TYW1: variants seen among roughly 807,000 people sequenced by gnomAD.
TYW1 encodes the protein S-adenosyl-L-methionine-dependent tRNA 4-demethylwyosine synthase TYW1.
A neutral mutation model predicts 96.2 loss-of-function variants in TYW1; 46 were observed. The ratio of observed to expected loss-of-function variants is 0.48; its 90% confidence interval spans 0.38 to 0.61. TYW1 has a LOEUF of 0.61. Among genes scored for constraint, TYW1 ranks in the 20% least tolerant of loss-of-function variants. The pLI is 0.00. For missense variants in TYW1, 684 were observed against 909.6 expected (o/e 0.75, Z 3.19); for synonymous variants, 274 against 323.0 (o/e 0.85, Z 1.63).
At chr7:67,128,990 A>G (rs1395908689) in intron 13 of TYW1, among the ~76,000 whole-genome samples, 1 of 152,100 alleles carries the variant, frequency 6.6e-6, no homozygotes, top group Non-Finnish European at 1.5e-5. Flanking sequence ...CGCCCAGTCT[A>G]GGTCTCAGTC....
intron 7 of TYW1, among the ~76,000 whole-genome samples, chr7:67,032,567 G>T (rs1276296852): frequency 6.6e-6 from 1 of 152,168 alleles, no homozygotes; most frequent in Non-Finnish European, 1.5e-5. Flanking sequence ...GTTGCAGTGA[G>T]CTGAGATCGT....
chr7:67,088,569 A>G (rs1796617022), intron 11 of TYW1, among the ~76,000 whole-genome samples: 1 of 152,140 alleles, frequency 6.6e-6, no homozygotes. Flanking sequence ...TTTCAACTGA[A>G]AAAGACCGTA....
intron 3 of TYW1, among the ~76,000 whole-genome samples, chr7:67,003,718 A>AT (rs1177906195): frequency 1.3e-5 from 2 of 152,192 alleles, no homozygotes; most frequent in Non-Finnish European, 2.9e-5. Context: ...GCAAGGTTGT[A>AT]TTTTTTGTAG....
chr7:67,235,552 A>G (rs1801856738), intron 15 of TYW1, among the ~76,000 whole-genome samples: 1 of 152,120 alleles, frequency 6.6e-6, no homozygotes, highest in Non-Finnish European at 1.5e-5. Context: ...ATGTCAGTAG[A>G]ACGGGTGGAA....
chr7:67,220,014 A>C (rs1314175590), intron 15 of TYW1, among the ~76,000 whole-genome samples: 1 of 150,046 alleles, frequency 6.7e-6, no homozygotes, highest in East Asian at 1.9e-4. Context: ...TATAGCTATA[A>C]GTTCTTACCT....
chr7:67,190,369 C>A (rs1800169333), intron 14 of TYW1, among the ~76,000 whole-genome samples: 1 of 152,152 alleles, frequency 6.6e-6, no homozygotes, highest in South Asian at 2.1e-4. Context: ...ATTTTTTGTT[C>A]ATTTAGCATA....
At chr7:67,129,985 G>A (rs962994783) in intron 13 of TYW1, among the ~76,000 whole-genome samples, 22 of 151,494 alleles carry the variant, frequency 1.5e-4, no homozygotes, top group African/African-American at 1.2e-4. Flanking sequence ...TCATTACTAC[G>A]TATTGAAACT....
chr7:67,209,340 C>T (rs1800919444), intron 15 of TYW1, among the ~76,000 whole-genome samples: 1 of 152,136 alleles, frequency 6.6e-6, no homozygotes, highest in African/African-American at 2.4e-5. Context: ...GGCTTTCAGC[C>T]TAGCAGCTTA....
chr7:67,060,568 C>T (rs1389696315), intron 9 of TYW1, among the ~76,000 whole-genome samples: 2 of 152,186 alleles, frequency 1.3e-5, no homozygotes, highest in Non-Finnish European at 2.9e-5. Flanking sequence ...TCAGCTTTCC[C>T]AGAGGAATTT....
intron 3 of TYW1, among the ~76,000 whole-genome samples, chr7:67,002,090 C>A (rs1392630273): frequency 6.6e-6 from 1 of 151,302 alleles, no homozygotes; most frequent in Admixed American, 6.6e-5. Flanking sequence ...CTCTGTTACC[C>A]AAGCTGGAGT....
intron 15 of TYW1, among the ~76,000 whole-genome samples, chr7:67,220,200 G>GTTTTT (rs1563077173): frequency 1.2e-4 from 10 of 84,714 alleles, no homozygotes; most frequent in Non-Finnish European, 1.5e-4. Flanking sequence ...TTCATTTATT[G>GTTTTT]ATTTTTTTTT....
chr7:67,190,211 T>G (rs1800164374), intron 14 of TYW1, among the ~76,000 whole-genome samples: 1 of 152,258 alleles, frequency 6.6e-6, no homozygotes, highest in African/African-American at 2.4e-5. Context: ...CTGTCAGTTT[T>G]TCTTGTATGT....
In TYW1 at chr7:67,191,981, C is replaced by T. The variant is rs180677059; in HGVS notation, c.1810-3189C>T. Among the ~76,000 whole-genome samples the T allele has an allele frequency of 6.6e-3, 998 of 151,590 alleles. 17 individuals carry two copies. Among genetic ancestry groups the T allele is most frequent in the African/African-American group, 0.022 (906 of 41,158 alleles). ...CACTATCTCAGCTTGCTGCAATCTCCGCCTGCCGGGTTCGAGCTATTCTCC... is the reference window on the plus strand; with the variant it reads ...CACTATCTCAGCTTGCTGCAATCTCTGCCTGCCGGGTTCGAGCTATTCTCC... On this transcript the variant is annotated intron_variant, in intron 14 of 15. Transcript: ENST00000359626.
chr7:67,133,319 T>C (rs968002249), intron 13 of TYW1, among the ~76,000 whole-genome samples: 6 of 151,836 alleles, frequency 4.0e-5, no homozygotes, highest in African/African-American at 1.5e-4. Flanking sequence ...TTTGATTCTT[T>C]AACTTGTACA....
chr7:67,111,478 G>C (rs1180301158), intron 12 of TYW1, among the ~76,000 whole-genome samples: 1 of 152,152 alleles, frequency 6.6e-6, no homozygotes, highest in Non-Finnish European at 1.5e-5. Flanking sequence ...TGGGATTACA[G>C]GCGTGAGCCA....
At chr7:67,125,573 T>C (rs1452665559) in intron 13 of TYW1, among the ~76,000 whole-genome samples, 1 of 152,172 alleles carries the variant, frequency 6.6e-6, no homozygotes, top group Non-Finnish European at 1.5e-5. Context: ...GGATCCATCA[T>C]TATCAGCCAT....
chr7:67,167,050 G>A (rs1799358111), intron 13 of TYW1, among the ~76,000 whole-genome samples: 1 of 152,164 alleles, frequency 6.6e-6, no homozygotes, highest in Non-Finnish European at 1.5e-5. Flanking sequence ...CTAGACAGGA[G>A]TAAATGTCCC....
intron 3 of TYW1, among the ~76,000 whole-genome samples, chr7:67,002,497 G>A (rs1471276153): frequency 3.9e-5 from 6 of 152,214 alleles, no homozygotes; most frequent in Non-Finnish European, 8.8e-5. Flanking sequence ...CTTCCAGCAT[G>A]TTAGTATTGC....
At chr7:67,206,659 AT>A (rs1800811337) in intron 15 of TYW1, among the ~76,000 whole-genome samples, 2 of 151,758 alleles carry the variant, frequency 1.3e-5, no homozygotes, top group African/African-American at 4.8e-5. Flanking sequence ...AAATAAATAA[AT>A]AAATAAAATG....
Sources: allele counts gnomAD v4.1 joint callset (sites outside exome capture counted in the v4.1 genomes callset), GRCh38; gene constraint gnomAD v4.1.1; transcripts MANE v1.5; gene names NCBI Gene and HGNC (gene_info 2026-07-23, HGNC 2026-07-21).